The following RGS7BP variants were observed in gnomAD, a reference collection of about 807,000 sequenced individuals.
RGS7BP encodes the protein regulator of G protein signaling 7-binding protein.
In RGS7BP, 9 loss-of-function variants were observed where a neutral mutation model predicts 31.3. The ratio of observed to expected loss-of-function variants is 0.29; its 90% CI spans 0.17 to 0.50. The LOEUF is 0.50. Among genes scored for constraint, RGS7BP ranks in the 20% least tolerant of loss-of-function variants. The probability of loss-of-function intolerance (pLI) is 0.98; values close to 1 mark genes in which losing one functional copy is unlikely to be tolerated. For synonymous variants in RGS7BP, 115 were observed against 120.1 expected (o/e 0.96, Z 0.28); for missense variants, 274 against 322.0 (o/e 0.85, Z 1.14).
intron 3 of RGS7BP, among the ~76,000 whole-genome samples, chr5:64,591,463 T>C (rs1001890117): frequency 2.6e-5 from 4 of 152,130 alleles, no homozygotes; most frequent in Non-Finnish European, 5.9e-5. Context: ...CAAAAATTAA[T>C]GTTGATAATA....
At chr5:64,576,800 A>T in intron 3 of RGS7BP, among the ~76,000 whole-genome samples, 1 of 152,194 alleles carries the variant, frequency 6.6e-6, no homozygotes, top group East Asian at 1.9e-4. Flanking sequence ...AGCCAAAAGT[A>T]TCCATCACCA....
intron 5 of RGS7BP, among the ~76,000 whole-genome samples, chr5:64,607,108 C>T (rs1743384278): frequency 6.6e-6 from 1 of 152,038 alleles, no homozygotes; most frequent in Admixed American, 6.6e-5. Flanking sequence ...CACTGTCAAC[C>T]TTGGTGGGTG....
In RGS7BP at chr5:64,506,638, C is replaced by A; in HGVS notation, c.14C>A (p.Pro5Gln). The A allele has an allele frequency of 6.2e-7, 1 of 1,610,534 alleles. No homozygotes were observed. Among genetic ancestry groups the A allele is most frequent in the Non-Finnish European group, 8.5e-7 (1 of 1,178,072 alleles). MSSA[P>Q]NGRKKRPSRS... Reference sequence around the variant, plus strand: ...GGATGTGTATGCATGAGTTCTGCACCGAATGGGCGCAAAAAGCGCCCCAGC... The same window carrying A: ...GGATGTGTATGCATGAGTTCTGCACAGAATGGGCGCAAAAAGCGCCCCAGC... The change falls in exon 1 of 6, where the codon CCG becomes CAG. Residue 5 changes from proline to glutamine, a missense_variant. Coordinates refer to ENST00000334025, the MANE Select transcript of RGS7BP (RefSeq NM_001029875.3). This position sits in a 1 kb window ranked among gnomAD's most constrained non-coding sequence, Gnocchi z 4.6.
At chr5:64,595,534 GTAA>G (rs910579332) in intron 4 of RGS7BP, among the ~76,000 whole-genome samples, 3 of 152,032 alleles carry the variant, frequency 2.0e-5, no homozygotes, top group African/African-American at 7.2e-5. Flanking sequence ...GGAAAAGGGA[GTAA>G]TAATAATAAT....
intron 2 of RGS7BP, among the ~76,000 whole-genome samples, chr5:64,575,352 G>A (rs1466991188): frequency 6.6e-6 from 1 of 151,984 alleles, no homozygotes; most frequent in Non-Finnish European, 1.5e-5. Context: ...ATTATACTAG[G>A]GCCCTAATAT....
chr5:64,601,765 C>T (rs888231028), intron 5 of RGS7BP, among the ~76,000 whole-genome samples: 1 of 152,164 alleles, frequency 6.6e-6, no homozygotes, highest in Non-Finnish European at 1.5e-5. Context: ...ACAAATGGAA[C>T]CACCTGTGGG....
intron 3 of RGS7BP, among the ~76,000 whole-genome samples, chr5:64,582,141 A>T (rs1413908440): frequency 2.0e-5 from 3 of 152,222 alleles, no homozygotes; most frequent in Non-Finnish European, 4.4e-5. Context: ...TCACTTCTTC[A>T]CAGTTAGTTA....
chr5:64,603,943 A>T (rs1458768268), intron 5 of RGS7BP, among the ~76,000 whole-genome samples: 1 of 152,192 alleles, frequency 6.6e-6, no homozygotes, highest in African/African-American at 2.4e-5. Flanking sequence ...GCAGGAAAAA[A>T]AATGTTTAAG....
chr5:64,571,996 T>A (rs528328894), intron 2 of RGS7BP, among the ~76,000 whole-genome samples: 1 of 152,274 alleles, frequency 6.6e-6, no homozygotes, highest in East Asian at 1.9e-4. Flanking sequence ...CGCTAACTCA[T>A]AAAACATATT....
At chr5:64,551,385 C>G (rs929439129) in intron 2 of RGS7BP, among the ~76,000 whole-genome samples, 1 of 151,454 alleles carries the variant, frequency 6.6e-6, no homozygotes, top group African/African-American at 2.4e-5. Flanking sequence ...GCCTCAGCCT[C>G]CCGAGTGGCT....
At chr5:64,579,405 G>A (rs111318128) in intron 3 of RGS7BP, among the ~76,000 whole-genome samples, 1 of 151,492 alleles carries the variant, frequency 6.6e-6, no homozygotes, top group African/African-American at 2.4e-5. Flanking sequence ...TTAGCTGGGT[G>A]TGGTGGCATG....
At chr5:64,605,028 T>TA in intron 5 of RGS7BP, among the ~76,000 whole-genome samples, 1 of 152,130 alleles carries the variant, frequency 6.6e-6, no homozygotes, top group South Asian at 2.1e-4. Flanking sequence ...AAATTTTTTT[T>TA]AAAAATCTAA....
At chr5:64,535,393 C>T (rs916470752) in intron 2 of RGS7BP, among the ~76,000 whole-genome samples, 1 of 152,154 alleles carries the variant, frequency 6.6e-6, no homozygotes, top group Non-Finnish European at 1.5e-5. Context: ...CTAATGGCTA[C>T]AAGAAACTTG....
chr5:64,568,288 A>C (rs1340225890), intron 2 of RGS7BP, among the ~76,000 whole-genome samples: 1 of 152,050 alleles, frequency 6.6e-6, no homozygotes, highest in African/African-American at 2.4e-5. Context: ...TCTGAGAATC[A>C]CAAGACCTTA....
intron 5 of RGS7BP, among the ~76,000 whole-genome samples, chr5:64,604,327 A>C (rs1390305836): frequency 6.6e-6 from 1 of 151,266 alleles, no homozygotes; most frequent in African/African-American, 2.4e-5. Context: ...AATGGGAGGA[A>C]TCTCCCCCCC....
In RGS7BP at chr5:64,556,387, T is replaced by TAA. The variant is rs11306593; in HGVS notation, c.333-19373_333-19372dup. Among the ~76,000 whole-genome samples the TAA allele has an allele frequency of 2.2e-4, 18 of 81,302 alleles. 1 individual carries two copies. Among genetic ancestry groups the TAA allele is most frequent in the Admixed American group, 1.1e-4 (1 of 8,964 alleles). The allele number at this position is 81,302 out of a possible 152,430, so 53.3% of individuals were successfully genotyped here. The stretch of plus-strand genomic sequence containing the variant: ...AAAATGTTTATGATATCGTGATAAG[T>TAA]AAAAAAAAAAAAAAAGCAATCTTCC... On this transcript the variant is annotated intron_variant, in intron 2 of 5. Transcript: ENST00000334025.
In RGS7BP at chr5:64,506,597, G is replaced by T; in HGVS notation, c.-28G>T. 1 of 1,567,646 alleles carries T rather than the reference G, an allele frequency of 6.4e-7. No homozygotes were observed. ...GCCCGCGCCGGGGCGCACTGCACCA[G>T]CGGCTTCGGCTTGGTGGATGTGTAT... is the stretch of plus-strand genomic sequence containing the variant. On this transcript the variant is annotated 5_prime_UTR_variant, in exon 1 of 6. Transcript: ENST00000334025. The surrounding 1 kb of genome is among the most constrained non-coding windows in gnomAD (Gnocchi z 4.6).
intron 3 of RGS7BP, 132 bp from the exon 4 acceptor site, chr5:64,594,578 C>T: frequency 1.3e-6 from 1 of 766,110 alleles, no homozygotes; most frequent in Non-Finnish European, 2.2e-6. Context: ...TTTTATTACT[C>T]AGAAAGCTAT....
intron 3 of RGS7BP, among the ~76,000 whole-genome samples, chr5:64,593,387 G>A (rs1393790124): frequency 6.6e-6 from 1 of 152,084 alleles, no homozygotes; most frequent in East Asian, 1.9e-4. Context: ...AAGTTTGTAG[G>A]TTTTATTTTT....
Sources: gnomAD v4.1 joint callset for allele counts (sites outside exome capture counted in the v4.1 genomes callset) on GRCh38, gnomAD v4.1.1 for gene constraint, Gnocchi (gnomAD v3.1) non-coding constraint, MANE v1.5 for transcripts, NCBI Gene and HGNC (gene_info 2026-07-23, HGNC 2026-07-21) for gene names.